Variants in CBFA2T3 observed in about 807,000 individuals in gnomAD.
The protein encoded by CBFA2T3 is transcriptional corepressor CBFA2T3.
Under a neutral mutation model 58.6 loss-of-function variants are expected in CBFA2T3, and 31 were observed. The observed-to-expected ratio is 0.53, with a 90% confidence interval of 0.40 to 0.71. The LOEUF is 0.71. Among genes scored for constraint, CBFA2T3 ranks in the 30% least tolerant of loss-of-function variants. The pLI, the probability that CBFA2T3 is intolerant of heterozygous loss-of-function variation, is 0.00. For synonymous variants in CBFA2T3, 531 were observed against 421.9 expected (o/e 1.26, Z -3.17); for missense variants, 1,076 against 963.1 (o/e 1.12, Z -1.55).
intron 1 of CBFA2T3, among the ~76,000 whole-genome samples, chr16:88,932,893 C>T (rs1282408498): frequency 6.6e-6 from 1 of 150,522 alleles, no homozygotes; most frequent in East Asian, 1.9e-4. Context: ...CACTTGAACC[C>T]GGGAAGCAGA....
chr16:88,880,962 G>T, intron 9 of CBFA2T3, 174 bp from the exon 10 acceptor site: 2 of 678,206 alleles, frequency 2.9e-6, no homozygotes, highest in Non-Finnish European at 5.2e-6. Context: ...CAGTGCCCGG[G>T]CACGGGGGGC....
intron 2 of CBFA2T3, among the ~76,000 whole-genome samples, chr16:88,900,754 G>A (rs2142634926): frequency 6.6e-6 from 1 of 152,318 alleles, no homozygotes; most frequent in Non-Finnish European, 1.5e-5. Flanking sequence ...CCAGCAACTG[G>A]GCCAAAGAGC....
At chr16:88,941,098 AG>A (rs1971709781) in intron 1 of CBFA2T3, 10 of 983,690 alleles carry the variant, frequency 1.0e-5, no homozygotes, top group Non-Finnish European at 1.2e-5. Context: ...TGCTCCTTCC[AG>A]CTTGGTCCCC....
Position 88,885,628 on chromosome 16 carries a change from G to A in CBFA2T3, c.893+333C>T. 3 of 424,988 alleles carry A rather than the reference G, an allele frequency of 7.1e-6. No homozygotes were observed. In the South Asian group the frequency reaches 1.1e-4, roughly 16 times the overall value. 26.3% of individuals were successfully genotyped at this position (424,988 alleles called of 1,614,324 possible). On this transcript the variant is annotated intron_variant, in intron 6 of 11. Coordinates refer to ENST00000268679, the MANE Select transcript of CBFA2T3 (RefSeq NM_005187.6). This position sits in a 1 kb window ranked among gnomAD's most constrained non-coding sequence, Gnocchi z 5.3. ...CAGCAGCACAAGAGCGTCTGGGGCA[G>A]CAGAGGGGGCCCAGCCCAGGCACCT...
At chr16:88,884,766 G>A (rs1450665922) in intron 7 of CBFA2T3, 3 of 381,052 alleles carry the variant, frequency 7.9e-6, no homozygotes, top group Non-Finnish European at 9.5e-6. Flanking sequence ...ACCTGTGGGT[G>A]GACTGTGGGA....
chr16:88,888,580 G>GTGCA (rs1969490554), intron 5 of CBFA2T3, among the ~76,000 whole-genome samples: 1 of 78,378 alleles, frequency 1.3e-5, no homozygotes, highest in Non-Finnish European at 2.5e-5. Context: ...GGGTGGGAGG[G>GTGCA]GGTGGGGTGG....
chr16:88,914,960 G>A (rs1409931837), intron 1 of CBFA2T3, among the ~76,000 whole-genome samples: 7 of 150,454 alleles, frequency 4.7e-5, no homozygotes, highest in South Asian at 4.2e-4. Flanking sequence ...AATCTGGGCC[G>A]CCCGCTGCCG....
chr16:88,892,196 G>T (rs1293364443), intron 4 of CBFA2T3, 48 bp downstream of exon 4: 1 of 1,576,774 alleles, frequency 6.3e-7, no homozygotes, highest in African/African-American at 1.3e-5. Context: ...TCATTAAACG[G>T]AGGGAATATG....
chr16:88,945,049 G>A (rs1971867667), intron 1 of CBFA2T3, among the ~76,000 whole-genome samples: 1 of 152,212 alleles, frequency 6.6e-6, no homozygotes, highest in Admixed American at 6.5e-5. Context: ...AACATTTTCT[G>A]TTATAACTAA....
At chr16:88,891,141 A>G (rs187353987) in intron 5 of CBFA2T3, among the ~76,000 whole-genome samples, 1 of 151,994 alleles carries the variant, frequency 6.6e-6, no homozygotes, top group African/African-American at 2.4e-5. Context: ...CAGCCACAGA[A>G]GCCCCTTCCC....
chr16:88,905,859 G>A (rs552620582), intron 1 of CBFA2T3, among the ~76,000 whole-genome samples: 35 of 151,984 alleles, frequency 2.3e-4, no homozygotes, highest in African/African-American at 7.2e-4. Context: ...CAGACATGGG[G>A]GGCTGGTTGC....
At chr16:88,905,612 A>C (rs1015099543) in intron 1 of CBFA2T3, among the ~76,000 whole-genome samples, 3 of 146,862 alleles carry the variant, frequency 2.0e-5, no homozygotes, top group African/African-American at 7.6e-5. Flanking sequence ...GCTGGAGGAG[A>C]GCAAAGATGG....
chr16:88,971,217 C>T (rs912270785), intron 1 of CBFA2T3, among the ~76,000 whole-genome samples: 15 of 152,178 alleles, frequency 9.9e-5, no homozygotes, highest in African/African-American at 3.6e-4. Flanking sequence ...TCACACGATT[C>T]TCCCGCCTCA....
At chr16:88,960,981 T>G (rs529689121) in intron 1 of CBFA2T3, among the ~76,000 whole-genome samples, 28 of 152,330 alleles carry the variant, frequency 1.8e-4, no homozygotes, top group African/African-American at 6.3e-4. Context: ...ATTTAAAAAT[T>G]TGTTTATCTG....
chr16:88,970,811 A>T (rs1032405102), intron 1 of CBFA2T3, among the ~76,000 whole-genome samples: 1 of 152,242 alleles, frequency 6.6e-6, no homozygotes, highest in Non-Finnish European at 1.5e-5. Context: ...GCAAGCAGGC[A>T]CCAGAGCCCC....
intron 1 of CBFA2T3, chr16:88,950,438 T>G: frequency 2.4e-6 from 1 of 413,360 alleles, no homozygotes; most frequent in South Asian, 1.6e-5. Context: ...AGGGTCAGAG[T>G]GTTGGCACCT....
In CBFA2T3 at chr16:88,976,856, A is replaced by G. The variant is rs780318296; in HGVS notation, c.-49T>C. On this transcript the variant is annotated 5_prime_UTR_variant, in exon 1 of 12. Transcript: ENST00000268679. Reference sequence around the variant, plus strand: ...AACCTGGAGCCCAGGACAGGCCTCTACCAGGACTGCCTTTCCCGACCTCCT... The same window carrying G: ...AACCTGGAGCCCAGGACAGGCCTCTGCCAGGACTGCCTTTCCCGACCTCCT... The G allele has an allele frequency of 2.0e-6, 3 of 1,514,986 alleles. No homozygotes were observed. The highest frequency in any genetic ancestry group is 2.7e-6 in the Non-Finnish European group (3 of 1,121,518). 93.8% of individuals were successfully genotyped at this position (1,514,986 alleles called of 1,614,324 possible).
chr16:88,893,262 T>C (rs1192805553), intron 3 of CBFA2T3, among the ~76,000 whole-genome samples: 36 of 118,594 alleles, frequency 3.0e-4, no homozygotes, highest in East Asian at 7.5e-4. Context: ...GCAATGTGCC[T>C]CCCCACACAC....
At position 88,879,417 on chromosome 16, in the gene CBFA2T3, C is replaced by T; in HGVS notation, c.1515G>A (p.Leu505=). 6.2e-7 allele frequency: 1 copy of T among 1,612,856 alleles called. No homozygotes were observed. Among genetic ancestry groups the T allele is most frequent in the Non-Finnish European group, 8.5e-7 (1 of 1,179,568 alleles). ...NEVKRQAMSE[L]QKAVSDAERK... ...GCTCCGCGTCCGACACGGCTTTCTG[C>T]AGCTCCGACATGGCCTGCCGCTTCA... Residue 505 remains leucine (L), a synonymous_variant, in exon 11 of 12, where the codon CTG becomes CTA. Transcript: ENST00000268679.
Sources: allele counts gnomAD v4.1 joint callset (sites outside exome capture counted in the v4.1 genomes callset), GRCh38; gene constraint gnomAD v4.1.1; non-coding constraint Gnocchi (gnomAD v3.1); transcripts MANE v1.5; gene names NCBI Gene and HGNC (gene_info 2026-07-23, HGNC 2026-07-21).